SRRM3: variants seen among roughly 807,000 people sequenced by gnomAD.
SRRM3 encodes serine/arginine repetitive matrix protein 3.
A neutral mutation model predicts 66.2 loss-of-function variants in SRRM3; 27 were observed. The ratio of observed to expected loss-of-function variants is 0.41; its 90% CI spans 0.30 to 0.56. The LOEUF is 0.56. SRRM3 is among the 20% of genes least tolerant of loss of function. The probability of loss-of-function intolerance (pLI) is 0.32; values close to 1 mark genes in which losing one functional copy is unlikely to be tolerated. For synonymous variants in SRRM3, 391 were observed against 414.9 expected (o/e 0.94, Z 0.70); for missense variants, 918 against 991.9 (o/e 0.93, Z 1.00).
At chr7:76,266,656 A>G (rs1035851903) in intron 10 of SRRM3, among the ~76,000 whole-genome samples, 7 of 131,522 alleles carry the variant, frequency 5.3e-5, no homozygotes, top group Admixed American at 3.7e-4. Context: ...TATTATATAT[A>G]TTATTATATA....
At chr7:76,254,857 G>A (rs1282938177) in intron 3 of SRRM3, among the ~76,000 whole-genome samples, 3 of 152,082 alleles carry the variant, frequency 2.0e-5, no homozygotes, top group East Asian at 3.9e-4. Flanking sequence ...AAGGACAGGA[G>A]GCAGGACGCC....
chr7:76,264,161 C>A (rs1801952468), intron 8 of SRRM3, among the ~76,000 whole-genome samples: 1 of 126,362 alleles, frequency 7.9e-6, no homozygotes, highest in South Asian at 2.4e-4. Flanking sequence ...CAACCCCTGC[C>A]TTTTTTTTTT....
chr7:76,261,040 C>A, intron 6 of SRRM3, 137 bp downstream of exon 6: 1 of 936,874 alleles, frequency 1.1e-6, no homozygotes, highest in Non-Finnish European at 1.6e-6. Context: ...GCAAGTTTTG[C>A]CCCTACAGAG....
intron 11 of SRRM3, among the ~76,000 whole-genome samples, chr7:76,273,995 T>C (rs1802274712): frequency 6.6e-6 from 1 of 152,218 alleles, no homozygotes; most frequent in African/African-American, 2.4e-5. Context: ...TTGTGTTTCT[T>C]TCCTGAACTG....
chr7:76,275,952 T>A (rs1204485434), intron 11 of SRRM3, among the ~76,000 whole-genome samples: 1 of 151,974 alleles, frequency 6.6e-6, no homozygotes, highest in Non-Finnish European at 1.5e-5. Context: ...TGGCGGTGTG[T>A]ACCTGTAGAC....
At chr7:76,208,398 G>T (rs1393242665) in intron 1 of SRRM3, among the ~76,000 whole-genome samples, 1 of 152,012 alleles carries the variant, frequency 6.6e-6, no homozygotes, top group Non-Finnish European at 1.5e-5. Context: ...GCCAGGTATG[G>T]TGGCTCATGC....
chr7:76,235,248 G>T lies in SRRM3; in HGVS notation c.182G>T (p.Arg61Leu). Residue 61 changes from arginine to leucine, a missense_variant, in exon 2 of 15, where the codon CGG becomes CTG. By Grantham distance (102) the Arg-to-Leu change is moderately radical. Transcript: ENST00000611745. ...HREILDHERK[R>L]RVELKCMELQ... ...GAGATCCTGGACCACGAGCGCAAGC[G>T]GCGGGTGGAGCTCAAGTGCATGGAG... 6.5e-7 allele frequency: 1 copy of T among 1,546,022 alleles called. No individual in the cohort carries two copies. The highest frequency in any genetic ancestry group is 8.7e-7 in the Non-Finnish European group (1 of 1,153,918).
chr7:76,225,636 C>T (rs1554603673), intron 1 of SRRM3, among the ~76,000 whole-genome samples: 1 of 152,104 alleles, frequency 6.6e-6, no homozygotes, highest in African/African-American at 2.4e-5. Context: ...AATCCCAGTG[C>T]TCTGGGAAGC....
At chr7:76,248,154 G>T (rs1801487129) in intron 2 of SRRM3, 34 bp from the exon 3 acceptor site, 2 of 1,569,272 alleles carry the variant, frequency 1.3e-6, no homozygotes, top group African/African-American at 1.3e-5. Context: ...AAATCTGGGA[G>T]ACCAGCCCCT....
chr7:76,241,176 C>T (rs1313551123), intron 2 of SRRM3, among the ~76,000 whole-genome samples: 9 of 152,224 alleles, frequency 5.9e-5, no homozygotes, highest in Non-Finnish European at 1.3e-4. Context: ...AGATTGCAGG[C>T]ATAAGCCACT....
At chr7:76,250,249 G>A (rs1210500069) in intron 3 of SRRM3, among the ~76,000 whole-genome samples, 4 of 149,334 alleles carry the variant, frequency 2.7e-5, no homozygotes, top group Admixed American at 2.7e-4. Context: ...TGTTTTGTTT[G>A]AGACAGAGTT....
intron 1 of SRRM3, among the ~76,000 whole-genome samples, chr7:76,214,780 G>GA (rs1246925165): frequency 4.7e-5 from 7 of 148,332 alleles, no homozygotes; most frequent in South Asian, 2.1e-4. Flanking sequence ...TTTGTAAAAA[G>GA]AAAAAAAAAA....
At chr7:76,210,485 T>C (rs57084751) in intron 1 of SRRM3, among the ~76,000 whole-genome samples, 5,475 of 152,292 alleles carry the variant, frequency 0.036, 228 homozygotes, top group East Asian at 0.14. Flanking sequence ...CCTTGATTCA[T>C]TCATTCATTC....
chr7:76,261,009 G>A, intron 6 of SRRM3, 106 bp downstream of exon 6: 2 of 1,220,706 alleles, frequency 1.6e-6, no homozygotes, highest in Non-Finnish European at 2.3e-6. Flanking sequence ...CTCAGGGCCT[G>A]CACCTGGACA....
At chr7:76,207,594 G>C (rs1193716107) in intron 1 of SRRM3, among the ~76,000 whole-genome samples, 1 of 152,102 alleles carries the variant, frequency 6.6e-6, no homozygotes, top group Non-Finnish European at 1.5e-5. Context: ...GCCAGGTTTG[G>C]TGGCTCACCC....
chr7:76,222,631 T>A (rs1003445485), intron 1 of SRRM3, among the ~76,000 whole-genome samples: 99 of 152,020 alleles, frequency 6.5e-4, no homozygotes, highest in African/African-American at 1.8e-3. Context: ...TTAATTTTTT[T>A]AATTTTTTGA....
intron 1 of SRRM3, among the ~76,000 whole-genome samples, chr7:76,215,739 G>A (rs1248691911): frequency 7.5e-6 from 1 of 133,990 alleles, no homozygotes; most frequent in Non-Finnish European, 1.5e-5. Context: ...ATGTTCTCCT[G>A]TCTCAGCCTC....
At chr7:76,282,584 C>CGG in intron 12 of SRRM3, 64 bp from the exon 13 acceptor site, 1 of 868,338 alleles carries the variant, frequency 1.2e-6, no homozygotes, top group Non-Finnish European at 1.6e-6. Context: ...CCAGGGAACC[C>CGG]TCCCCGCCCC....
chr7:76,268,030 C>T (rs1419508068), intron 11 of SRRM3: 1 of 150,942 alleles, frequency 6.6e-6, no homozygotes, highest in East Asian at 2.0e-4. Flanking sequence ...TGCCCTTTTC[C>T]AGGCACCGCC....
Sources: allele counts gnomAD v4.1 joint callset (sites outside exome capture counted in the v4.1 genomes callset), GRCh38; gene constraint gnomAD v4.1.1; transcripts MANE v1.5; gene names NCBI Gene and HGNC (gene_info 2026-07-23, HGNC 2026-07-21).